Variants in ABCA13 observed in about 807,000 individuals in gnomAD.
ABCA13 encodes the protein ATP binding cassette subfamily A member 13, also known as ATP-binding cassette sub-family A member 13.
A neutral mutation model predicts 478.7 loss-of-function variants in ABCA13; 476 were observed. The ratio of observed to expected loss-of-function variants is 0.99; its 90% CI spans 0.92 to 1.07. The LOEUF (loss-of-function observed/expected upper bound fraction) is 1.07. Ranked by LOEUF, ABCA13 falls within the 50% of genes least tolerant of loss-of-function variation. The probability of loss-of-function intolerance (pLI) is 0.00; values close to 1 mark genes in which losing one functional copy is unlikely to be tolerated. For synonymous variants in ABCA13, 2,252 were observed against 2,158.9 expected, an observed-to-expected ratio of 1.04 and a Z score of -1.20; for missense variants, 6,060 against 5,910.6, an observed-to-expected ratio of 1.03 and a Z score of -0.83.
At chr7:48,401,261 T>C (rs1817562180) in intron 38 of ABCA13, among the ~76,000 whole-genome samples, 1 of 152,196 alleles carries the variant, frequency 6.6e-6, no homozygotes, top group Non-Finnish European at 1.5e-5. Context: ...TTAAATATGA[T>C]TATCTAGGCT....
At chr7:48,384,837 T>C (rs1486571404) in intron 35 of ABCA13, among the ~76,000 whole-genome samples, 1 of 152,178 alleles carries the variant, frequency 6.6e-6, no homozygotes, top group African/African-American at 2.4e-5. Context: ...ATGGACTGGT[T>C]TCTCCCAAGG....
intron 47 of ABCA13, among the ~76,000 whole-genome samples, chr7:48,488,033 T>G (rs1461038869): frequency 2.6e-5 from 4 of 152,090 alleles, no homozygotes; most frequent in African/African-American, 9.7e-5. Flanking sequence ...CTTTGAACAC[T>G]CACAGTTCTG....
intron 59 of ABCA13, chr7:48,627,238 C>A: frequency 4.6e-6 from 1 of 216,032 alleles, no homozygotes. Context: ...AGTTTTCAAA[C>A]TCAATTTCTT....
chr7:48,367,991 T>G (rs1811947083), intron 32 of ABCA13, 83 bp downstream of exon 32: 1 of 1,036,330 alleles, frequency 9.6e-7, no homozygotes, highest in African/African-American at 1.6e-5. Flanking sequence ...ATAACCAACC[T>G]GAGCCTCTCT....
At chr7:48,215,604 G>A (rs971135007) in intron 3 of ABCA13, among the ~76,000 whole-genome samples, 1 of 152,108 alleles carries the variant, frequency 6.6e-6, no homozygotes, top group African/African-American at 2.4e-5. Flanking sequence ...GCACAATAAA[G>A]CGAAGCATAA....
rs775915506 is a variant in ABCA13, at chr7:48,506,310, C to T, written c.13292-26C>T. On this transcript the variant is annotated intron_variant, in intron 48 of 61. Transcript: ENST00000435803. ...TCACCATGCAGGAGCAGGCTGAAGG[C>T]TCACTTTTCAATTTGTCTTTCACAG... The T allele has an allele frequency of 5.6e-6, 9 of 1,612,818 alleles. No individual in the cohort carries two copies. The East Asian group carries it at 1.8e-4, about 32-fold the overall frequency.
At chr7:48,415,426 T>C (rs1819846826) in intron 41 of ABCA13, among the ~76,000 whole-genome samples, 2 of 152,228 alleles carry the variant, frequency 1.3e-5, no homozygotes, top group Admixed American at 6.5e-5. Context: ...ACTAGTTGTA[T>C]GGTGTCTTGT....
chr7:48,310,538 TCCTGAGCGG>T (rs1801616816), intron 24 of ABCA13, among the ~76,000 whole-genome samples: 1 of 152,112 alleles, frequency 6.6e-6, no homozygotes, highest in African/African-American at 2.4e-5. Flanking sequence ...CATGGTCCAC[TCCTGAGCGG>T]CCCGAGTTAG....
At chr7:48,453,099 A>G (rs1048395782) in intron 42 of ABCA13, among the ~76,000 whole-genome samples, 1 of 152,182 alleles carries the variant, frequency 6.6e-6, no homozygotes, top group Non-Finnish European at 1.5e-5. Flanking sequence ...TGACTTAATA[A>G]CTGCTTTATG....
intron 41 of ABCA13, among the ~76,000 whole-genome samples, chr7:48,420,814 A>G (rs186782980): frequency 9.9e-5 from 15 of 151,828 alleles, no homozygotes; most frequent in Admixed American, 2.0e-4. Context: ...TTAAGTTTCA[A>G]TTGTGCCCCT....
In ABCA13 at chr7:48,275,035, A is replaced by C; in HGVS notation, c.5369A>C (p.Asp1790Ala). 1 of 1,613,914 alleles carries C rather than the reference A, an allele frequency of 6.2e-7. No individual in the cohort carries two copies. The highest frequency in any genetic ancestry group is 8.5e-7 in the Non-Finnish European group (1 of 1,179,848). ...ACCATTTCAAATATCACCAAGGAAGACTTCGCAATTGTGATAAAAATTCTT... is the reference window on the plus strand; with the variant it reads ...ACCATTTCAAATATCACCAAGGAAGCCTTCGCAATTGTGATAAAAATTCTT... ...GITISNITKE[D>A]FAIVIKILLD... Residue 1790 changes from aspartate to alanine, a missense_variant, in exon 17 of 62, where the codon GAC (aspartate) becomes GCC (alanine). Coordinates refer to ENST00000435803, the MANE Select transcript of ABCA13 (RefSeq NM_152701.5).
intron 3 of ABCA13, among the ~76,000 whole-genome samples, chr7:48,203,476 C>T (rs1784499991): frequency 6.6e-6 from 1 of 152,258 alleles, no homozygotes; most frequent in African/African-American, 2.4e-5. Context: ...GCTGTCACCT[C>T]TCAATAAGTT....
chr7:48,520,414 C>G (rs34768692), intron 53 of ABCA13, 120 bp downstream of exon 53: 47,119 of 1,133,262 alleles, frequency 0.042, 1,117 homozygotes, highest in African/African-American at 0.083. Context: ...ATACATAGTT[C>G]TAATGCGTTA....
At chr7:48,449,152 C>T (rs1023766853) in intron 42 of ABCA13, among the ~76,000 whole-genome samples, 12 of 152,192 alleles carry the variant, frequency 7.9e-5, no homozygotes, top group African/African-American at 2.9e-4. Flanking sequence ...TCCTAGCTGT[C>T]TGTACTGCCA....
intron 49 of ABCA13, 110 bp downstream of exon 49, chr7:48,506,500 T>G (rs2130862763): frequency 8.2e-7 from 1 of 1,218,472 alleles, no homozygotes; most frequent in South Asian, 1.3e-5. Flanking sequence ...AAGAGATGGC[T>G]TATAGAGTTA....
intron 1 of ABCA13, among the ~76,000 whole-genome samples, chr7:48,191,289 T>C (rs1310448080): frequency 6.6e-6 from 1 of 152,244 alleles, no homozygotes; most frequent in Non-Finnish European, 1.5e-5. Flanking sequence ...TTTTCTTTGT[T>C]ATCAGAATGT....
Position 48,538,479 on chromosome 7 carries a change from A to G in ABCA13, c.14354+10134A>G, listed in dbSNP as rs1297716220. Among the ~76,000 whole-genome samples, 3 of 152,166 alleles carry G rather than the reference A, an allele frequency of 2.0e-5. No homozygotes were observed. In the East Asian group the frequency reaches 5.8e-4, roughly 29 times the overall value. ...AAGTTTAATTTACATATGAAAAAGA[A>G]CATCCAATGACTTTTCATAAAATGA... On this transcript the variant is annotated intron_variant, in intron 55 of 61. Transcript: ENST00000435803.
chr7:48,645,467 T>G lies in ABCA13; in HGVS notation c.15132T>G (p.Leu5044=), dbSNP rs761324621. The change falls in exon 62 of 62, where the codon CTT becomes CTG. Residue 5044 remains leucine (L), a synonymous_variant. Transcript: ENST00000435803. Reference sequence around the variant, plus strand: ...AGCAGCAAACTCTACAATCTACTCTTGATCCATCCACTGACAGTCACCACA... The same window carrying G: ...AGCAGCAAACTCTACAATCTACTCTGGATCCATCCACTGACAGTCACCACA... ...SEQQQTLQST[L]DPSTDSHHTH... 9 of 1,589,562 alleles carry G rather than the reference T, an allele frequency of 5.7e-6. No individual in the cohort carries two copies. Among genetic ancestry groups the G allele is most frequent in the Admixed American group, 1.8e-5 (1 of 56,746 alleles).
At chr7:48,518,279 A>T (rs1832280736) in intron 52 of ABCA13, among the ~76,000 whole-genome samples, 1 of 152,212 alleles carries the variant, frequency 6.6e-6, no homozygotes, top group Admixed American at 6.5e-5. Context: ...GTCAGTCATG[A>T]ATCATGGTGA....
Sources: gnomAD v4.1 joint callset for allele counts (sites outside exome capture counted in the v4.1 genomes callset) on GRCh38, gnomAD v4.1.1 for gene constraint, MANE v1.5 for transcripts, NCBI Gene and HGNC (gene_info 2026-07-23, HGNC 2026-07-21) for gene names.